CHLSN: variants seen among roughly 807,000 people sequenced by gnomAD.
CHLSN encodes the protein protein cholesin.
chr7:1,128,669 A>G, the CHLSN span, among the ~76,000 whole-genome samples: 29 of 12,540 alleles, frequency 2.3e-3, 2 homozygotes, highest in South Asian at 3.9e-3. Flanking sequence ...GCAGTGGCAC[A>G]ATCTCGGCTC....
chr7:1,121,171 G>A, the CHLSN span, among the ~76,000 whole-genome samples: 8 of 152,190 alleles, frequency 5.3e-5, no homozygotes, highest in African/African-American at 1.4e-4. Flanking sequence ...TCCCCCACAC[G>A]TAAGACTGTT....
the CHLSN span, among the ~76,000 whole-genome samples, chr7:1,000,064 A>G: frequency 6.6e-6 from 1 of 152,208 alleles, no homozygotes; most frequent in East Asian, 1.9e-4. Flanking sequence ...TGGCCTCCCT[A>G]AGGTTACCCC....
At chr7:1,007,337 C>T in the CHLSN span, among the ~76,000 whole-genome samples, 3 of 152,234 alleles carry the variant, frequency 2.0e-5, no homozygotes, top group South Asian at 2.1e-4. Context: ...GAGGACAACT[C>T]GGGCACCTAC....
the CHLSN span, among the ~76,000 whole-genome samples, chr7:994,318 A>G: frequency 4.0e-5 from 6 of 150,876 alleles, no homozygotes; most frequent in South Asian, 4.2e-4. Flanking sequence ...CCACCACCAC[A>G]CCCAGCTAAT....
chr7:1,098,927 GT>G, the CHLSN span, among the ~76,000 whole-genome samples: 22 of 152,242 alleles, frequency 1.4e-4, no homozygotes, highest in Non-Finnish European at 2.6e-4. Flanking sequence ...GCACAAGTCT[GT>G]GACTAAAAAT....
chr7:1,126,781 G>A, the CHLSN span, among the ~76,000 whole-genome samples: 4 of 152,188 alleles, frequency 2.6e-5, no homozygotes, highest in Non-Finnish European at 4.4e-5. Context: ...TTCATAACCC[G>A]CTGCACACCG....
At chr7:1,018,206 G>T in the CHLSN span, among the ~76,000 whole-genome samples, 1 of 152,208 alleles carries the variant, frequency 6.6e-6, no homozygotes, top group African/African-American at 2.4e-5. Flanking sequence ...ACTAGGGCTT[G>T]GCGGGTGGGG....
At chr7:1,032,485 T>G in the CHLSN span, among the ~76,000 whole-genome samples, 3 of 151,034 alleles carry the variant, frequency 2.0e-5, no homozygotes, top group South Asian at 2.1e-4. Flanking sequence ...CAGGTGACAG[T>G]GGCCCTCAGA....
the CHLSN span, among the ~76,000 whole-genome samples, chr7:1,075,419 G>T: frequency 6.6e-6 from 1 of 151,750 alleles, no homozygotes; most frequent in African/African-American, 2.4e-5. Context: ...AGCTACTGGG[G>T]AGGCTGAGGC....
At chr7:985,312 C>G in the CHLSN span, 1 of 1,550,708 alleles carries the variant, frequency 6.4e-7, no homozygotes, top group Non-Finnish European at 8.7e-7. Context: ...CTTGGGGTCC[C>G]CTGGCCTGCA....
chr7:1,008,851 G>GTAAATACACA, the CHLSN span, among the ~76,000 whole-genome samples: 1 of 147,504 alleles, frequency 6.8e-6, no homozygotes. Context: ...ACGCACACAC[G>GTAAATACACA]TAAACACACG....
the CHLSN span, chr7:985,223 T>C: frequency 6.4e-7 from 1 of 1,554,914 alleles, no homozygotes; most frequent in Non-Finnish European, 8.7e-7. Context: ...ACCTTCGCGC[T>C]CCTCTTCGGC....
the CHLSN span, among the ~76,000 whole-genome samples, chr7:1,135,622 C>G: frequency 6.6e-6 from 1 of 151,172 alleles, no homozygotes; most frequent in Admixed American, 6.6e-5. Context: ...CAAAAATTAG[C>G]TGGGTGTGCT....
the CHLSN span, among the ~76,000 whole-genome samples, chr7:1,019,164 A>T: frequency 7.8e-6 from 1 of 128,594 alleles, no homozygotes; most frequent in Non-Finnish European, 1.6e-5. Context: ...ATTGCACTCC[A>T]GCCTGGGCAA....
At chr7:1,057,513 G>T in the CHLSN span, 1 of 765,270 alleles carries the variant, frequency 1.3e-6, no homozygotes. Context: ...CTCGCCGGCC[G>T]CCATGTGGAG....
At chr7:1,130,136 C>T in the CHLSN span, among the ~76,000 whole-genome samples, 1 of 152,288 alleles carries the variant, frequency 6.6e-6, no homozygotes, top group East Asian at 1.9e-4. Context: ...AGGGTGGATG[C>T]GGCATTCAAG....
the CHLSN span, among the ~76,000 whole-genome samples, chr7:1,078,400 CGAAGGGGGCCCCATGAGGCCTGG>C: frequency 1.3e-5 from 2 of 152,008 alleles, no homozygotes; most frequent in Non-Finnish European, 2.9e-5. Flanking sequence ...CGAAGGCCTG[CGAAGGGGGCCCCATGAGGCCTGG>C]GAAGGGGGCC....
the CHLSN span, among the ~76,000 whole-genome samples, chr7:997,973 A>C: frequency 6.6e-6 from 1 of 152,366 alleles, no homozygotes; most frequent in African/African-American, 2.4e-5. Flanking sequence ...AGACACTGGA[A>C]GAAGAAATGC....
At chr7:1,127,281 T>C in the CHLSN span, 22 of 1,600,240 alleles carry the variant, frequency 1.4e-5, no homozygotes, top group East Asian at 2.2e-5. Context: ...CTTCGCCACT[T>C]GGTGCAGCCT....
Sources: gnomAD v4.1 joint callset for allele counts (sites outside exome capture counted in the v4.1 genomes callset) on GRCh38, gnomAD v4.1.1 for gene constraint, MANE v1.5 for transcripts, NCBI Gene and HGNC (gene_info 2026-07-23, HGNC 2026-07-21) for gene names.